Variants in CCDC69 observed in about 807,000 individuals in gnomAD.
The protein encoded by CCDC69 is coiled-coil domain containing 69.
A neutral mutation model predicts 40.3 loss-of-function variants in CCDC69; 38 were observed. That is an observed-to-expected ratio of 0.94 (90% CI 0.73 to 1.24). The LOEUF is 1.24. Among genes scored for constraint, CCDC69 ranks in the 50% most tolerant of loss-of-function variants. CCDC69 has a pLI of 0.00. For synonymous variants in CCDC69, 141 were observed against 138.9 expected (o/e 1.02, Z -0.11); for missense variants, 389 against 357.9 (o/e 1.09, Z -0.70).
chr5:151,215,395 G>A (rs573613662), intron 1 of CCDC69, among the ~76,000 whole-genome samples: 9 of 152,326 alleles, frequency 5.9e-5, no homozygotes, highest in African/African-American at 1.7e-4. Flanking sequence ...AATGGGATAC[G>A]TAAGAGCCCT....
intron 2 of CCDC69, among the ~76,000 whole-genome samples, chr5:151,204,317 G>C (rs1240582344): frequency 6.6e-6 from 1 of 152,162 alleles, no homozygotes; most frequent in Non-Finnish European, 1.5e-5. Flanking sequence ...TTATAGGCAA[G>C]AGCCACCGCA....
chr5:151,192,432 A>G (rs1345663831), intron 4 of CCDC69, among the ~76,000 whole-genome samples: 2 of 138,980 alleles, frequency 1.4e-5, no homozygotes, highest in East Asian at 4.0e-4. Flanking sequence ...ACTTAGATGA[A>G]TGTAACAATT....
chr5:151,223,830 CAG>C (rs1753172809), intron 1 of CCDC69, 91 bp downstream of exon 1: 5 of 1,306,580 alleles, frequency 3.8e-6, no homozygotes, highest in Non-Finnish European at 5.3e-6. Flanking sequence ...CCGGGCCGAC[CAG>C]AGAGAGCCCG....
chr5:151,222,414 C>G (rs1033599629), intron 1 of CCDC69, among the ~76,000 whole-genome samples: 5 of 152,246 alleles, frequency 3.3e-5, no homozygotes, highest in Admixed American at 6.5e-5. Flanking sequence ...GGCTCTTCCC[C>G]GTTTCCTCCA....
rs202117134 is a variant in CCDC69 at position 151,202,977 on chromosome 5, TC to T, written c.125-1290del. Among the ~76,000 whole-genome samples the T allele has an allele frequency of 6.3e-3, 966 of 152,246 alleles. 12 individuals are homozygous for T. Among genetic ancestry groups the T allele is most frequent in the African/African-American group, 0.022 (920 of 41,538 alleles). The stretch of plus-strand genomic sequence containing the variant: ...GAGAGCTTACCATGCCTGCAACATG[TC>T]CAGCACTGTTCCAAGTGCCTCAGAG... On this transcript the variant is annotated intron_variant, in intron 2 of 8. Coordinates refer to ENST00000355417, the MANE Select transcript of CCDC69 (RefSeq NM_015621.3).
intron 1 of CCDC69, among the ~76,000 whole-genome samples, chr5:151,207,063 C>T (rs1410419599): frequency 1.3e-5 from 2 of 152,026 alleles, no homozygotes; most frequent in Non-Finnish European, 2.9e-5. Context: ...AGACTACAGG[C>T]ATGTGCCACC....
chr5:151,193,243 G>C (rs918218145), intron 4 of CCDC69, among the ~76,000 whole-genome samples: 1 of 151,398 alleles, frequency 6.6e-6, no homozygotes, highest in African/African-American at 2.4e-5. Context: ...GCCAGATGCG[G>C]TGGCTCACAC....
chr5:151,194,184 A>T (rs1752662175), intron 4 of CCDC69, among the ~76,000 whole-genome samples: 1 of 152,216 alleles, frequency 6.6e-6, no homozygotes, highest in Non-Finnish European at 1.5e-5. Context: ...TTATCATATG[A>T]CCTATCCCAC....
At chr5:151,194,454 AAAAGAC>A (rs963788402) in intron 4 of CCDC69, among the ~76,000 whole-genome samples, 5 of 152,262 alleles carry the variant, frequency 3.3e-5, no homozygotes, top group African/African-American at 1.2e-4. Context: ...AATAGCCTAG[AAAAGAC>A]AAAGCTACAG....
At position 151,183,253 on chromosome 5, in the gene CCDC69, C is replaced by A. The variant is rs1399914470; in HGVS notation, c.*184G>T. 4.0e-6 allele frequency: 3 copies of A among 755,456 alleles called. No homozygotes were observed. In the African/African-American group the frequency reaches 5.2e-5, roughly 13 times the overall value. 46.8% of individuals were successfully genotyped at this position (755,456 alleles called of 1,614,324 possible). On this transcript the variant is annotated 3_prime_UTR_variant, in exon 9 of 9. Transcript: ENST00000355417. Reference sequence around the variant, plus strand: ...AAGACGCTTCTCGGGGCCTCCAAAACCCTGTGGGTGATTCCATGTAACTCA... The same window carrying A: ...AAGACGCTTCTCGGGGCCTCCAAAAACCTGTGGGTGATTCCATGTAACTCA...
chr5:151,201,449 G>A (rs1582044910), intron 3 of CCDC69, 133 bp downstream of exon 3: 2 of 599,090 alleles, frequency 3.3e-6, no homozygotes, highest in Non-Finnish European at 6.0e-6. Flanking sequence ...AACAGATAAA[G>A]GACTCCCTTC....
At chr5:151,189,541 G>T (rs1299158498) in intron 4 of CCDC69, among the ~76,000 whole-genome samples, 2 of 151,248 alleles carry the variant, frequency 1.3e-5, no homozygotes, top group Non-Finnish European at 2.9e-5. Context: ...CACAGTCAAA[G>T]AATTAGAGGA....
intron 1 of CCDC69, among the ~76,000 whole-genome samples, chr5:151,213,446 G>A (rs967310417): frequency 4.6e-5 from 7 of 151,724 alleles, no homozygotes; most frequent in African/African-American, 1.7e-4. Context: ...TGAAGATGGG[G>A]TTTCACCATG....
chr5:151,201,644 G>A lies in CCDC69; in HGVS notation c.169C>T (p.Gln57Ter). 2 of 1,613,628 alleles carry A rather than the reference G, an allele frequency of 1.2e-6. No homozygotes were observed. Among genetic ancestry groups the A allele is most frequent in the East Asian group, 4.5e-5 (2 of 44,866 alleles). The change falls in exon 3 of 9, where the codon CAG (glutamine) becomes TAG (stop). Residue 57 changes from glutamine to a stop codon, truncating the protein, a stop_gained. Transcript: ENST00000355417. LOFTEE classifies it high-confidence loss of function. Reference sequence around the variant, plus strand: ...TGGAGAATTCTGGTTATATCCTTCTGGTGCCGCTCAGCCTCCTCTGATGCA... The same window carrying A: ...TGGAGAATTCTGGTTATATCCTTCTAGTGCCGCTCAGCCTCCTCTGATGCA... ...LCASEEAERH[Q>*]KDITRILQQH...
rs150164620 is a variant in CCDC69, at chr5:151,194,780, T to C, written c.319+4217A>G. 7.3e-3 allele frequency among the ~76,000 whole-genome samples: 1,097 copies of C among 151,142 alleles called. 15 individuals are homozygous for C. The highest frequency in any genetic ancestry group is 0.031 in the Middle Eastern group (9 of 292). Reference sequence around the variant, plus strand: ...TAGTGGCACGTGCCTGTAATCCCAGTTACTCGGGAGGCTCAGGCAAAGAAT... The same window carrying C: ...TAGTGGCACGTGCCTGTAATCCCAGCTACTCGGGAGGCTCAGGCAAAGAAT... On this transcript the variant is annotated intron_variant, in intron 4 of 8. Coordinates refer to ENST00000355417, the MANE Select transcript of CCDC69 (RefSeq NM_015621.3).
chr5:151,213,349 C>T (rs1365638471), intron 1 of CCDC69, among the ~76,000 whole-genome samples: 1 of 152,112 alleles, frequency 6.6e-6, no homozygotes, highest in African/African-American at 2.4e-5. Flanking sequence ...TGGGTTCACG[C>T]CATTCTCCTG....
At chr5:151,192,810 C>G (rs1013276576) in intron 4 of CCDC69, among the ~76,000 whole-genome samples, 2 of 152,072 alleles carry the variant, frequency 1.3e-5, no homozygotes, top group African/African-American at 4.8e-5. Flanking sequence ...ATAACACAAC[C>G]AAGTGGAGCT....
chr5:151,202,198 A>C (rs867044606), intron 2 of CCDC69, among the ~76,000 whole-genome samples: 2,744 of 150,820 alleles, frequency 0.018, 45 homozygotes, highest in Non-Finnish European at 0.028. Flanking sequence ...TCTAAAAAAA[A>C]AAAAAAAAAA....
intron 4 of CCDC69, among the ~76,000 whole-genome samples, chr5:151,193,661 A>G (rs1245268342): frequency 1.3e-5 from 2 of 152,186 alleles, no homozygotes; most frequent in Non-Finnish European, 2.9e-5. Context: ...GGAAGAAAAC[A>G]TTGAAGAAAA....
Sources: allele counts gnomAD v4.1 joint callset (sites outside exome capture counted in the v4.1 genomes callset), GRCh38; gene constraint gnomAD v4.1.1; transcripts MANE v1.5; gene names NCBI Gene and HGNC (gene_info 2026-07-23, HGNC 2026-07-21).